The following CECR2 variants were observed in gnomAD, a reference collection of about 807,000 sequenced individuals.
The protein encoded by CECR2 is chromatin remodeling regulator CECR2.
A neutral mutation model predicts 154.5 loss-of-function variants in CECR2; 30 were observed. The ratio of observed to expected loss-of-function variants is 0.19; its 90% CI spans 0.15 to 0.26. The LOEUF is 0.26. CECR2 is among the 10% of genes least tolerant of loss of function. The pLI is 1.00. For missense variants in CECR2, 1,743 were observed against 1,829.3 expected (o/e 0.95, Z 0.86); for synonymous variants, 725 against 683.7 (o/e 1.06, Z -0.94).
intron 1 of CECR2, among the ~76,000 whole-genome samples, chr22:17,422,696 G>GT (rs1183075173): frequency 5.4e-5 from 8 of 148,784 alleles, no homozygotes; most frequent in Non-Finnish European, 1.0e-4. Context: ...ATTATCTTCT[G>GT]TTTTTTTGGT....
intron 1 of CECR2, among the ~76,000 whole-genome samples, chr22:17,412,187 A>G (rs9605284): frequency 0.088 from 13,353 of 152,234 alleles, 752 homozygotes; most frequent in Admixed American, 0.15. Flanking sequence ...CAAATAAACA[A>G]TGATCCTTAG....
chr22:17,544,574 G>T (rs2056581367), intron 16 of CECR2, among the ~76,000 whole-genome samples: 1 of 151,230 alleles, frequency 6.6e-6, no homozygotes, highest in African/African-American at 2.4e-5. Context: ...ACTTTAGGAG[G>T]CCAAGGCAGG....
Position 17,481,843 on chromosome 22 carries a change from G to A in CECR2, c.221+4161G>A, listed in dbSNP as rs1043615258. Among the ~76,000 whole-genome samples, 3 of 152,122 alleles carry A rather than the reference G, an allele frequency of 2.0e-5. No individual in the cohort carries two copies. The East Asian group carries it at 5.8e-4, about 29-fold the overall frequency. ...AAGACCTAGCACTTACAGGCCAGGCGTGGTGGCTCACGCCTGTAATCCTAG... is the reference window on the plus strand; with the variant it reads ...AAGACCTAGCACTTACAGGCCAGGCATGGTGGCTCACGCCTGTAATCCTAG... On this transcript the variant is annotated intron_variant, in intron 2 of 18. Coordinates refer to ENST00000262608, the MANE Select transcript of CECR2 (RefSeq NM_001290047.2).
chr22:17,497,689 G>C, intron 3 of CECR2, 103 bp downstream of exon 3: 1 of 1,123,248 alleles, frequency 8.9e-7, no homozygotes, highest in South Asian at 1.4e-5. Flanking sequence ...AGTTTGGCTT[G>C]TGGTACTAGT....
chr22:17,509,291 G>T (rs2055899483), intron 7 of CECR2, among the ~76,000 whole-genome samples: 1 of 152,136 alleles, frequency 6.6e-6, no homozygotes, highest in Non-Finnish European at 1.5e-5. Context: ...AAGAAACGGG[G>T]CAGTGGAAGA....
At chr22:17,442,170 G>GT (rs1159136958) in intron 1 of CECR2, among the ~76,000 whole-genome samples, 2 of 152,156 alleles carry the variant, frequency 1.3e-5, no homozygotes, top group African/African-American at 4.8e-5. Context: ...ACAAGAGCAT[G>GT]TCATACTAGA....
At chr22:17,383,108 C>T (rs565207655) in intron 1 of CECR2, among the ~76,000 whole-genome samples, 5 of 152,098 alleles carry the variant, frequency 3.3e-5, no homozygotes, top group Non-Finnish European at 7.3e-5. Context: ...CACCTGTAAT[C>T]CCAGCTGCTC....
chr22:17,365,713 C>CA (rs199682609), upstream of CECR2, among the ~76,000 whole-genome samples: 540 of 151,926 alleles, frequency 3.6e-3, 4 homozygotes, highest in East Asian at 0.023. Context: ...AACAAACAAA[C>CA]AAAAACAAAC....
At chr22:17,467,006 A>G (rs1361730946) in intron 1 of CECR2, among the ~76,000 whole-genome samples, 1 of 152,192 alleles carries the variant, frequency 6.6e-6, no homozygotes, top group Non-Finnish European at 1.5e-5. Flanking sequence ...AGTACTTAGC[A>G]GCCACAGAAA....
chr22:17,545,563 G>A lies in CECR2; in HGVS notation c.2860+2560G>A, dbSNP rs573339507. 2.0e-5 allele frequency among the ~76,000 whole-genome samples: 3 copies of A among 152,076 alleles called. No individual in the cohort carries two copies. In the South Asian group the frequency reaches 6.3e-4, roughly 32 times the overall value. On this transcript the variant is annotated intron_variant, in intron 16 of 18. Transcript: ENST00000262608. ...CTTGGACTTAAGATAATAGATTCCT[G>A]GCTGAGCACGGTGGCTCACATCTGT...
At chr22:17,464,755 T>TC (rs2054999437) in intron 1 of CECR2, among the ~76,000 whole-genome samples, 1 of 152,112 alleles carries the variant, frequency 6.6e-6, no homozygotes, top group Non-Finnish European at 1.5e-5. Context: ...CCCACTTCAG[T>TC]CCCCCAAAGC....
chr22:17,401,138 TCTTCATCTCCC>T (rs2053885607), intron 1 of CECR2, among the ~76,000 whole-genome samples: 1 of 152,088 alleles, frequency 6.6e-6, no homozygotes. Flanking sequence ...CAATTCAGAA[TCTTCATCTCCC>T]CTAAAGAAAG....
At chr22:17,379,625 T>TTTGC (rs58180021) in intron 1 of CECR2, among the ~76,000 whole-genome samples, 63 of 149,104 alleles carry the variant, frequency 4.2e-4, no homozygotes, top group Admixed American at 3.3e-3. Context: ...TGTGTGTGTG[T>TTTGC]TTGCGATATA....
At chr22:17,494,539 T>G (rs2055587579) in intron 2 of CECR2, among the ~76,000 whole-genome samples, 1 of 152,180 alleles carries the variant, frequency 6.6e-6, no homozygotes, top group African/African-American at 2.4e-5. Flanking sequence ...GTGCTGAATG[T>G]GAATGCTGTA....
chr22:17,538,827 C>A (rs1296792), intron 12 of CECR2, 96 bp downstream of exon 12: 39 of 1,286,036 alleles, frequency 3.0e-5, no homozygotes, highest in Non-Finnish European at 3.9e-5. Flanking sequence ...TATTTTGATA[C>A]GTTTTTCTTT....
intron 1 of CECR2, among the ~76,000 whole-genome samples, chr22:17,429,638 G>A (rs1458335345): frequency 6.6e-6 from 1 of 152,178 alleles, no homozygotes; most frequent in East Asian, 1.9e-4. Flanking sequence ...ATCAATGGGG[G>A]TTGACTTATG....
intron 2 of CECR2, among the ~76,000 whole-genome samples, chr22:17,482,247 AC>A (rs2055338274): frequency 1.3e-5 from 2 of 149,872 alleles, no homozygotes; most frequent in Admixed American, 6.7e-5. Flanking sequence ...ACATGGTGAA[AC>A]CCCGTCTCTA....
In CECR2 at chr22:17,402,017, T is replaced by C. The variant is rs527769144; in HGVS notation, c.126+32108T>C. Among the ~76,000 whole-genome samples the C allele has an allele frequency of 3.3e-5, 5 of 152,276 alleles. No homozygotes were observed. The East Asian group carries it at 9.7e-4, about 29-fold the overall frequency. On this transcript the variant is annotated intron_variant, in intron 1 of 18. Transcript: ENST00000262608. ...TTTTTTATTGGAGACAGAGTCTCGC[T>C]CTTTTGCCCAGGCTAGAGTGCAGTA... is the stretch of plus-strand genomic sequence containing the variant.
intron 9 of CECR2, among the ~76,000 whole-genome samples, chr22:17,524,687 T>G (rs1453402726): frequency 3.4e-5 from 4 of 117,866 alleles, no homozygotes; most frequent in Non-Finnish European, 6.7e-5. Context: ...CCACCATGCC[T>G]GGCCCTTTTT....
Sources: allele counts gnomAD v4.1 joint callset (sites outside exome capture counted in the v4.1 genomes callset), GRCh38; gene constraint gnomAD v4.1.1; transcripts MANE v1.5; gene names NCBI Gene and HGNC (gene_info 2026-07-23, HGNC 2026-07-21).